The following HIP1 variants were observed in gnomAD, a reference collection of about 807,000 sequenced individuals.
HIP1 encodes the protein huntingtin interacting protein 1.
Under a neutral mutation model 147.6 loss-of-function variants are expected in HIP1, and 65 were observed. The observed-to-expected ratio is 0.44, with a 90% CI of 0.36 to 0.54. The LOEUF (loss-of-function observed/expected upper bound fraction) is 0.54. Among genes scored for constraint, HIP1 ranks in the 20% least tolerant of loss-of-function variants. HIP1 has a pLI of 0.00. For synonymous variants in HIP1, 479 were observed against 504.0 expected, an observed-to-expected ratio of 0.95 and a Z score of 0.67; for missense variants, 1,061 against 1,299.6, an observed-to-expected ratio of 0.82 and a Z score of 2.82.
At position 75,534,029 on chromosome 7, in the gene HIP1, C is replaced by T. The variant is rs1258686600; in HGVS notation, c.*4143G>A. 4.3e-6 allele frequency: 1 copy of T among 231,802 alleles called. No individual in the cohort carries two copies. Among genetic ancestry groups the T allele is most frequent in the Non-Finnish European group, 8.5e-6 (1 of 117,234 alleles). The allele number at this position is 231,802 out of a possible 1,614,324, so 14.4% of individuals were successfully genotyped here. ...GTGGTAGAAGGTAGCAAGATGCTGA[C>T]CGGTTATTAAAGACCAGGGTCAAAT... On this transcript the variant is annotated 3_prime_UTR_variant, in exon 31 of 31. Transcript: ENST00000336926.
chr7:75,668,327 T>C (rs1367691905), intron 1 of HIP1, among the ~76,000 whole-genome samples: 1 of 151,990 alleles, frequency 6.6e-6, no homozygotes, highest in Non-Finnish European at 1.5e-5. Flanking sequence ...TTTTGTTTTG[T>C]ATTGTTTTGT....
intron 1 of HIP1, among the ~76,000 whole-genome samples, chr7:75,737,678 AG>A (rs1802069428): frequency 6.6e-6 from 1 of 152,154 alleles, no homozygotes; most frequent in African/African-American, 2.4e-5. Context: ...TTCCATATAC[AG>A]AACCTTCAGT....
intron 1 of HIP1, among the ~76,000 whole-genome samples, chr7:75,623,837 C>A (rs587639486): frequency 6.6e-6 from 1 of 152,256 alleles, no homozygotes; most frequent in African/African-American, 2.4e-5. Context: ...GAGGCCGAGG[C>A]GGGAGGACTG....
chr7:75,712,172 C>T (rs1554520183), intron 1 of HIP1, among the ~76,000 whole-genome samples: 1 of 152,102 alleles, frequency 6.6e-6, no homozygotes, highest in African/African-American at 2.4e-5. Flanking sequence ...CTTTGCTCTT[C>T]TTTACGGGGG....
rs1422283866 is a variant in HIP1 at position 75,533,598 on chromosome 7, C to T, written c.*4574G>A. 8.6e-6 allele frequency: 2 copies of T among 232,354 alleles called. No homozygotes were observed. Among genetic ancestry groups the T allele is most frequent in the Non-Finnish European group, 1.7e-5 (2 of 117,562 alleles). The allele number at this position is 232,354 out of a possible 1,614,324, so 14.4% of individuals were successfully genotyped here. On this transcript the variant is annotated 3_prime_UTR_variant, in exon 31 of 31. Transcript: ENST00000336926. ...AACTGCATTATCACCAAGATGTAAC[C>T]GAACCCCCTCGGTTTGTCCCTATGA...
At chr7:75,632,601 T>C (rs1303384524) in intron 1 of HIP1, among the ~76,000 whole-genome samples, 2 of 150,814 alleles carry the variant, frequency 1.3e-5, no homozygotes, top group Non-Finnish European at 3.0e-5. Context: ...TCTCACTATG[T>C]TGCCCAGGCT....
At chr7:75,557,435 C>T (rs182087165) in intron 16 of HIP1, among the ~76,000 whole-genome samples, 1 of 152,170 alleles carries the variant, frequency 6.6e-6, no homozygotes, top group Admixed American at 6.5e-5. Flanking sequence ...CCTTGGAAAG[C>T]CTTTGTTGAT....
intron 1 of HIP1, among the ~76,000 whole-genome samples, chr7:75,733,015 G>C (rs146050947): frequency 1.3e-5 from 2 of 152,124 alleles, no homozygotes; most frequent in Non-Finnish European, 2.9e-5. Flanking sequence ...TCTCCTCCAC[G>C]GTATGTGCTC....
At chr7:75,616,085 C>CAAAAAAAAAAAAAAAAAAAAAA (rs71098042) in intron 1 of HIP1, among the ~76,000 whole-genome samples, 1 of 35,308 alleles carries the variant, frequency 2.8e-5, no homozygotes, top group Non-Finnish European at 5.2e-5. Flanking sequence ...GACTCTGTCT[C>CAAAAAAAAAAAAAAAAAAAAAA]AAAAAAAAAA....
In HIP1 at chr7:75,609,022, G is replaced by A. The variant is rs188370913; in HGVS notation, c.121-9775C>T. On this transcript the variant is annotated intron_variant, in intron 1 of 30. Transcript: ENST00000336926. ...AGTGGGGAACACCGTGGGAGTCACCGCCTCCCAGTATGAATCCAGTGCAAC... is the reference window on the plus strand; with the variant it reads ...AGTGGGGAACACCGTGGGAGTCACCACCTCCCAGTATGAATCCAGTGCAAC... Among the ~76,000 whole-genome samples the A allele has an allele frequency of 3.3e-5, 5 of 152,232 alleles. No individual in the cohort carries two copies. The East Asian group carries it at 5.8e-4, about 18-fold the overall frequency.
rs1482791110 is a variant in HIP1 at position 75,619,940 on chromosome 7, A to G, written c.121-20693T>C. 1.4e-4 allele frequency among the ~76,000 whole-genome samples: 22 copies of G among 152,058 alleles called. 1 individual carries two copies. Among genetic ancestry groups the G allele is most frequent in the Admixed American group, 1.2e-3 (19 of 15,266 alleles). On this transcript the variant is annotated intron_variant, in intron 1 of 30. Coordinates refer to ENST00000336926, the MANE Select transcript of HIP1 (RefSeq NM_005338.7). ...GCTCTCTGTCATCTATTTCTGTTTC[A>G]CCGTGATCACGGGTAACAGATTCTT...
chr7:75,585,995 T>G (rs1453870356), intron 5 of HIP1, among the ~76,000 whole-genome samples: 1 of 150,398 alleles, frequency 6.6e-6, no homozygotes, highest in African/African-American at 2.5e-5. Flanking sequence ...TTAAATTTTT[T>G]TGTAGAGACA....
In HIP1 at chr7:75,594,643, G is replaced by A. The variant is rs587642560; in HGVS notation, c.185-2129C>T. ...ACAAAAATTAGCCGGGCATGGTGGT[G>A]CATGCCTGTAATCCCACCTACTCGG... On this transcript the variant is annotated intron_variant, in intron 2 of 30. Coordinates refer to ENST00000336926, the MANE Select transcript of HIP1 (RefSeq NM_005338.7). Among the ~76,000 whole-genome samples, 131 of 152,178 alleles carry A rather than the reference G, an allele frequency of 8.6e-4. 1 individual carries two copies. The highest frequency in any genetic ancestry group is 1.1e-3 in the Non-Finnish European group (73 of 67,992).
At chr7:75,703,087 C>T (rs570119044) in intron 1 of HIP1, among the ~76,000 whole-genome samples, 131 of 152,302 alleles carry the variant, frequency 8.6e-4, no homozygotes, top group Non-Finnish European at 1.1e-3. Context: ...AGGTGGCTCA[C>T]GCCTGTAATC....
intron 1 of HIP1, among the ~76,000 whole-genome samples, chr7:75,601,623 A>G (rs1418130172): frequency 1.8e-5 from 2 of 108,628 alleles, no homozygotes; most frequent in Non-Finnish European, 4.6e-5. Context: ...CAACAAAAAA[A>G]AAAAGAAAAA....
Position 75,533,365 on chromosome 7 carries a change from C to A in HIP1, c.*4807G>T. ...TGCAATGTATTATACAAAGAAAGGT[C>A]TTAATACCATAATAAAAGTATTGTT... On this transcript the variant is annotated 3_prime_UTR_variant, in exon 31 of 31. Coordinates refer to ENST00000336926, the MANE Select transcript of HIP1 (RefSeq NM_005338.7). 1 of 224,630 alleles carries A rather than the reference C, an allele frequency of 4.5e-6. No individual in the cohort carries two copies. The highest frequency in any genetic ancestry group is 8.9e-6 in the Non-Finnish European group (1 of 112,724). 13.9% of individuals were successfully genotyped at this position (224,630 alleles called of 1,614,324 possible).
intron 1 of HIP1, 45 bp downstream of exon 1, chr7:75,738,756 T>C (rs1802108599): frequency 6.3e-7 from 1 of 1,582,952 alleles, no homozygotes; most frequent in South Asian, 1.1e-5. Context: ...GGACACCGCG[T>C]CCCTCAGGGT....
chr7:75,595,220 CTTTCTTTCTTTCTTTCTTT>C (rs1796656995), intron 2 of HIP1, among the ~76,000 whole-genome samples: 2 of 92,218 alleles, frequency 2.2e-5, no homozygotes, highest in African/African-American at 1.1e-4. Flanking sequence ...TTCTTTCTTT[CTTTCTTTCTTTCTTTCTTT>C]CTTTCTTTCT....
At chr7:75,565,395 G>A (rs138371020) in intron 9 of HIP1, among the ~76,000 whole-genome samples, 30 of 152,252 alleles carry the variant, frequency 2.0e-4, no homozygotes, top group East Asian at 3.9e-4. Flanking sequence ...ACAAGCTACC[G>A]GAATTTGACA....
Sources: allele counts gnomAD v4.1 joint callset (sites outside exome capture counted in the v4.1 genomes callset), GRCh38; gene constraint gnomAD v4.1.1; transcripts MANE v1.5; gene names NCBI Gene and HGNC (gene_info 2026-07-23, HGNC 2026-07-21).